The following FEZ1 variants were observed in gnomAD, a reference collection of about 807,000 sequenced individuals.
The protein encoded by FEZ1 is fasciculation and elongation protein zeta-1.
FEZ1 carries 20 observed loss-of-function variants against 49.3 expected under a neutral mutation model. The observed-to-expected ratio is 0.41, with a 90% CI of 0.29 to 0.59. The LOEUF is 0.59. Ranked by LOEUF, FEZ1 falls within the 20% of genes least tolerant of loss-of-function variation. The pLI, the probability that FEZ1 is intolerant of heterozygous loss-of-function variation, is 0.36. For synonymous variants in FEZ1, 170 were observed against 180.9 expected (o/e 0.94, Z 0.48); for missense variants, 413 against 476.0 (o/e 0.87, Z 1.23).
chr11:125,481,461 T>C (rs1207955519), intron 3 of FEZ1, 73 bp downstream of exon 3: 4 of 881,448 alleles, frequency 4.5e-6, no homozygotes, highest in Non-Finnish European at 7.8e-6. Context: ...GGAAGACTGT[T>C]GAGTTACTGA....
rs138580587 is a variant in FEZ1 at position 125,460,867 on chromosome 11, T to C, written c.499-201A>G. ...CTCTTTCTTTAATGTAAGGCACTCT[T>C]TAATGTAAAACCTCTTCCAAGAGCT... is the stretch of plus-strand genomic sequence containing the variant. On this transcript the variant is annotated intron_variant, in intron 4 of 9. Transcript: ENST00000278919. Among the ~76,000 whole-genome samples, 897 of 152,372 alleles carry C rather than the reference T, an allele frequency of 5.9e-3. 10 individuals carry two copies. The highest frequency in any genetic ancestry group is 0.019 in the African/African-American group (806 of 41,590).
Position 125,489,361 on chromosome 11 carries a change from A to G in FEZ1, c.311+106T>C. 2 of 1,490,826 alleles carry G rather than the reference A, an allele frequency of 1.3e-6. No individual in the cohort carries two copies. Among genetic ancestry groups the G allele is most frequent in the Admixed American group, 4.7e-5 (2 of 42,170 alleles). 92.3% of individuals were successfully genotyped at this position (1,490,826 alleles called of 1,614,324 possible). ...CTGCTCCGCTGGCAACACGAAAATG[A>G]AAGTAATAGCCCATAAACCTATAGA... On this transcript the variant is annotated intron_variant, in intron 2 of 9. Transcript: ENST00000278919. This position sits in a 1 kb window ranked among gnomAD's most constrained non-coding sequence, Gnocchi z 4.2.
intron 1 of FEZ1, among the ~76,000 whole-genome samples, chr11:125,493,360 A>AAAG (rs1565306654): frequency 1.9e-5 from 2 of 103,906 alleles, no homozygotes; most frequent in African/African-American, 8.0e-5. Context: ...AAAGAAAGAG[A>AAAG]GAAAAGAAAG....
intron 3 of FEZ1, among the ~76,000 whole-genome samples, chr11:125,479,771 G>A (rs1957263445): frequency 6.6e-6 from 1 of 152,166 alleles, no homozygotes; most frequent in African/African-American, 2.4e-5. Flanking sequence ...ATCTGCCAGT[G>A]CCTTGATCTT....
intron 7 of FEZ1, chr11:125,452,637 C>T (rs993925757): frequency 1.4e-4 from 70 of 508,432 alleles, no homozygotes; most frequent in Non-Finnish European, 1.9e-4. Context: ...ATTCTTCCTA[C>T]ACTACAAACT....
rs1370963605 is a variant in FEZ1, at chr11:125,495,187, G to C, written c.-46+934C>G. ...AGATCCCCCTCCTCCCCCCAGTCCG[G>C]TGGGGTAAAGAAAGCCTCCTCCAGG... On this transcript the variant is annotated intron_variant, in intron 1 of 9. Coordinates refer to ENST00000278919, the MANE Select transcript of FEZ1 (RefSeq NM_005103.5). The surrounding 1 kb of genome is among the most constrained non-coding windows in gnomAD (Gnocchi z 4.2). 2.8e-6 allele frequency: 1 copy of C among 357,148 alleles called. No individual in the cohort carries two copies. The highest frequency in any genetic ancestry group is 5.8e-6 in the Non-Finnish European group (1 of 171,560). 22.1% of individuals were successfully genotyped at this position (357,148 alleles called of 1,614,324 possible).
intron 1 of FEZ1, among the ~76,000 whole-genome samples, chr11:125,491,723 G>A (rs905711998): frequency 2.0e-5 from 3 of 152,194 alleles, no homozygotes; most frequent in South Asian, 2.1e-4. Flanking sequence ...GGACATGCCA[G>A]GCAAGAACAC....
intron 2 of FEZ1, among the ~76,000 whole-genome samples, chr11:125,486,039 A>G (rs1242512130): frequency 1.3e-5 from 2 of 152,224 alleles, no homozygotes; most frequent in Non-Finnish European, 2.9e-5. Context: ...TCAATACTAT[A>G]TCCGCTTTCT....
intron 3 of FEZ1, among the ~76,000 whole-genome samples, chr11:125,480,212 C>CA (rs1271686158): frequency 6.6e-6 from 1 of 152,032 alleles, no homozygotes; most frequent in Admixed American, 6.6e-5. Context: ...CCCATCTCTA[C>CA]AAAAAATACA....
At chr11:125,472,670 C>T (rs1187588052) in intron 3 of FEZ1, among the ~76,000 whole-genome samples, 3 of 151,988 alleles carry the variant, frequency 2.0e-5, no homozygotes, top group African/African-American at 7.2e-5. Flanking sequence ...AATACAAATT[C>T]TTTCACAAAG....
intron 3 of FEZ1, among the ~76,000 whole-genome samples, chr11:125,467,495 A>G (rs1174010081): frequency 2.0e-5 from 3 of 152,250 alleles, no homozygotes; most frequent in Non-Finnish European, 4.4e-5. Flanking sequence ...GACTGAGAGC[A>G]GTACTATCAT....
intron 1 of FEZ1, among the ~76,000 whole-genome samples, chr11:125,492,933 A>G (rs1427276800): frequency 6.7e-6 from 1 of 150,370 alleles, no homozygotes. Flanking sequence ...ACACTACTGT[A>G]TGCCAGCCTG....
intron 8 of FEZ1, among the ~76,000 whole-genome samples, chr11:125,450,408 G>A (rs1956943373): frequency 6.6e-6 from 1 of 152,172 alleles, no homozygotes; most frequent in African/African-American, 2.4e-5. Flanking sequence ...CTGAGCATAA[G>A]CAGACTAAAT....
intron 4 of FEZ1, 102 bp downstream of exon 4, chr11:125,463,382 T>C (rs1027389648): frequency 2.4e-5 from 17 of 719,484 alleles, no homozygotes; most frequent in African/African-American, 2.3e-4. Flanking sequence ...CATGACCACA[T>C]ATCTTTCTTC....
At position 125,489,326 on chromosome 11, in the gene FEZ1, T is replaced by C. The variant is rs1290734462; in HGVS notation, c.311+141A>G. On this transcript the variant is annotated intron_variant, in intron 2 of 9. Coordinates refer to ENST00000278919, the MANE Select transcript of FEZ1 (RefSeq NM_005103.5). This position sits in a 1 kb window ranked among gnomAD's most constrained non-coding sequence, Gnocchi z 4.2. The stretch of plus-strand genomic sequence containing the variant: ...ACATATATAGAGCTATGACAGCAAG[T>C]ACCAGGGCACTGCTCCGCTGGCAAC... 2 of 1,436,918 alleles carry C rather than the reference T, an allele frequency of 1.4e-6. No individual in the cohort carries two copies. The highest frequency in any genetic ancestry group is 1.4e-5 in the African/African-American group (1 of 69,872). 89.0% of individuals were successfully genotyped at this position (1,436,918 alleles called of 1,614,324 possible).
chr11:125,461,871 C>G (rs1957078470), intron 4 of FEZ1, among the ~76,000 whole-genome samples: 2 of 152,212 alleles, frequency 1.3e-5, no homozygotes, highest in South Asian at 4.1e-4. Flanking sequence ...CTTTTCACCT[C>G]TACTCACAAA....
intron 3 of FEZ1, among the ~76,000 whole-genome samples, chr11:125,466,447 C>T (rs975062266): frequency 2.6e-5 from 4 of 152,066 alleles, no homozygotes; most frequent in African/African-American, 9.7e-5. Context: ...CGTGATTATG[C>T]CACTGCACTC....
chr11:125,489,316 TGACAGC>T lies in FEZ1; in HGVS notation c.311+145_311+150del, dbSNP rs1354140019. 839 of 1,416,454 alleles carry T rather than the reference TGACAGC, an allele frequency of 5.9e-4. 8 individuals are homozygous for T. The South Asian group carries it at 6.1e-3, about 10-fold the overall frequency. The allele number at this position is 1,416,454 out of a possible 1,614,324, so 87.7% of individuals were successfully genotyped here. A position where few individuals can be genotyped will look rare whatever the true frequency, so the allele number is the denominator to read the frequency against. On this transcript the variant is annotated intron_variant, in intron 2 of 9. Transcript: ENST00000278919. This position sits in a 1 kb window ranked among gnomAD's most constrained non-coding sequence, Gnocchi z 4.2. ...CTGTAAAGGGACATATATAGAGCTA[TGACAGC>T]AAGTACCAGGGCACTGCTCCGCTGG... is the stretch of plus-strand genomic sequence containing the variant.
chr11:125,484,714 C>T lies in FEZ1; in HGVS notation c.312-3081G>A, dbSNP rs370562390. On this transcript the variant is annotated intron_variant, in intron 2 of 9. Transcript: ENST00000278919. ...GAAAAAAAAAAAGAAACTGGCTCTGCGTGAGAAACCCATACGTACGATGAT... is the reference window on the plus strand; with the variant it reads ...GAAAAAAAAAAAGAAACTGGCTCTGTGTGAGAAACCCATACGTACGATGAT... Among the ~76,000 whole-genome samples, 41 of 151,586 alleles carry T rather than the reference C, an allele frequency of 2.7e-4. No homozygotes were observed. The East Asian group carries it at 4.5e-3, about 16-fold the overall frequency.
Sources: gnomAD v4.1 joint callset for allele counts (sites outside exome capture counted in the v4.1 genomes callset) on GRCh38, gnomAD v4.1.1 for gene constraint, Gnocchi (gnomAD v3.1) non-coding constraint, MANE v1.5 for transcripts, NCBI Gene and HGNC (gene_info 2026-07-23, HGNC 2026-07-21) for gene names.